ASAH2: variants seen among roughly 807,000 people sequenced by gnomAD.
ASAH2 encodes N-acylsphingosine amidohydrolase 2.
A neutral mutation model predicts 82.9 loss-of-function variants in ASAH2; 58 were observed. That is an observed-to-expected ratio of 0.70 (90% CI 0.57 to 0.87). The LOEUF is 0.87. Ranked by LOEUF, ASAH2 falls within the 40% of genes least tolerant of loss-of-function variation. The pLI is 0.00. For synonymous variants in ASAH2, 276 were observed against 289.7 expected, an observed-to-expected ratio of 0.95 and a Z score of 0.48; for missense variants, 779 against 834.0, an observed-to-expected ratio of 0.93 and a Z score of 0.81.
chr10:50,227,721 G>A (rs986579086), intron 7 of ASAH2, among the ~76,000 whole-genome samples: 8 of 151,984 alleles, frequency 5.3e-5, no homozygotes, highest in Non-Finnish European at 7.4e-5. Context: ...AATATCTCCA[G>A]CCAACTATTT....
intron 4 of ASAH2, among the ~76,000 whole-genome samples, chr10:50,237,808 A>G (rs1846197494): frequency 6.6e-6 from 1 of 152,214 alleles, no homozygotes; most frequent in East Asian, 1.9e-4. Context: ...AAAATGACCC[A>G]GCAGTATGTA....
At chr10:50,198,096 A>G (rs546066362) in intron 17 of ASAH2, among the ~76,000 whole-genome samples, 7 of 152,238 alleles carry the variant, frequency 4.6e-5, no homozygotes, top group African/African-American at 1.7e-4. Context: ...ATACAGGCAT[A>G]TGAAATTTTC....
chr10:50,238,954 C>T (rs1411140780), intron 4 of ASAH2, among the ~76,000 whole-genome samples: 1 of 152,096 alleles, frequency 6.6e-6, no homozygotes, highest in Non-Finnish European at 1.5e-5. Flanking sequence ...TATAACAATG[C>T]CAGGAAGATA....
intron 12 of ASAH2, among the ~76,000 whole-genome samples, chr10:50,207,374 A>G (rs1845327413): frequency 1.3e-5 from 2 of 152,030 alleles, no homozygotes; most frequent in Non-Finnish European, 2.9e-5. Context: ...AGAAAAATCA[A>G]TGAAACCAAA....
Position 50,228,734 on chromosome 10 carries a change from G to C in ASAH2, c.893+4450C>G, listed in dbSNP as rs980581669. Among the ~76,000 whole-genome samples, 36 of 152,000 alleles carry C rather than the reference G, an allele frequency of 2.4e-4. 1 individual carries two copies. Among genetic ancestry groups the C allele is most frequent in the Admixed American group, 3.9e-4 (6 of 15,244 alleles). On this transcript the variant is annotated intron_variant, in intron 7 of 20. Coordinates refer to ENST00000682911, the MANE Select transcript of ASAH2 (RefSeq NM_019893.4). ...TAAAAGGGTTTGCAATACATAAATAGAAGGCAGTGGAGAGGAGAGGAGAAG... is the reference window on the plus strand; with the variant it reads ...TAAAAGGGTTTGCAATACATAAATACAAGGCAGTGGAGAGGAGAGGAGAAG...
chr10:50,235,840 C>A (rs1846146020), intron 5 of ASAH2, 48 bp downstream of exon 5: 3 of 1,588,266 alleles, frequency 1.9e-6, no homozygotes, highest in Admixed American at 1.7e-5. Flanking sequence ...TCCTAAAATA[C>A]CTGTAAGCAA....
Position 50,213,033 on chromosome 10 carries a change from G to C in ASAH2, c.1166C>G (p.Pro389Arg), listed in dbSNP as rs1042680255. The C allele has an allele frequency of 6.2e-7, 1 of 1,613,658 alleles. No individual in the cohort carries two copies. Reference protein sequence around the residue: ...GGPSMCIAKGPGQDMFDSTQI... With the variant: ...GGPSMCIAKGRGQDMFDSTQI... The stretch of plus-strand genomic sequence containing the variant: ...TGTGCTGTCAAACATATCCTGTCCA[G>C]GTCCCTTAGCAATGCACATGCTAGG... Residue 389 changes from proline to arginine, a missense_variant, in exon 10 of 21, where the codon CCT becomes CGT. By Grantham distance (103) the Pro-to-Arg change is moderately radical. Coordinates refer to ENST00000682911, the MANE Select transcript of ASAH2 (RefSeq NM_019893.4).
At position 50,210,849 on chromosome 10, in the gene ASAH2, C is replaced by G. The variant is rs1845435135; in HGVS notation, c.1388G>C (p.Gly463Ala). 104 of 1,613,330 alleles carry G rather than the reference C, an allele frequency of 6.4e-5. No homozygotes were observed. Among genetic ancestry groups the G allele is most frequent in the Non-Finnish European group, 8.1e-5 (96 of 1,179,444 alleles). The change falls in exon 12 of 21, where the codon GGA (glycine) becomes GCA (alanine). Residue 463 changes from glycine to alanine, a missense_variant. Coordinates refer to ENST00000682911, the MANE Select transcript of ASAH2 (RefSeq NM_019893.4). ...CTGTGTAAAATTGAGGCCTCCAACTCCATCAATAGTGCCAGCTGCAAAACT... is the reference window on the plus strand; with the variant it reads ...CTGTGTAAAATTGAGGCCTCCAACTGCATCAATAGTGCCAGCTGCAAAACT... The part of the protein sequence containing the change: ...GYSFAAGTID[G>A]VGGLNFTQGK...
At chr10:50,243,034 A>T (rs557493412) in intron 4 of ASAH2, among the ~76,000 whole-genome samples, 168 bp downstream of exon 4, 1 of 152,336 alleles carries the variant, frequency 6.6e-6, no homozygotes, top group East Asian at 1.9e-4. Context: ...AATAGTGAAG[A>T]TCATTTTCCT....
chr10:50,225,034 A>G (rs1221278927), intron 7 of ASAH2, among the ~76,000 whole-genome samples: 1 of 152,214 alleles, frequency 6.6e-6, no homozygotes, highest in Non-Finnish European at 1.5e-5. Context: ...ACCCCAGAGA[A>G]GTGATGTACG....
intron 9 of ASAH2, 76 bp downstream of exon 9, chr10:50,214,667 A>C: frequency 6.4e-7 from 1 of 1,572,124 alleles, no homozygotes; most frequent in Non-Finnish European, 8.8e-7. Flanking sequence ...GGTATTTGTA[A>C]ATTAATGATA....
At chr10:50,225,043 C>T (rs1214698544) in intron 7 of ASAH2, among the ~76,000 whole-genome samples, 5 of 152,290 alleles carry the variant, frequency 3.3e-5, no homozygotes, top group South Asian at 2.1e-4. Context: ...AAGTGATGTA[C>T]GTTCTCAAGG....
At chr10:50,213,398 T>G (rs1475528373) in intron 9 of ASAH2, among the ~76,000 whole-genome samples, 4 of 152,168 alleles carry the variant, frequency 2.6e-5, no homozygotes, top group Non-Finnish European at 5.9e-5. Context: ...TACTTGCTTG[T>G]TCTTGCCTCT....
In ASAH2 at chr10:50,248,630, AG is replaced by A; in HGVS notation, c.-21del. ...GGCCATTTCTTCTCAGGTACAGCAG[AG>A]ATGGAAGAAGAAATACTGAAGAGGA... On this transcript the variant is annotated 5_prime_UTR_variant, in exon 2 of 21. Coordinates refer to ENST00000682911, the MANE Select transcript of ASAH2 (RefSeq NM_019893.4). 1 of 1,606,356 alleles carries A rather than the reference AG, an allele frequency of 6.2e-7. No individual in the cohort carries two copies. The highest frequency in any genetic ancestry group is 8.5e-7 in the Non-Finnish European group (1 of 1,176,790).
In ASAH2 at chr10:50,214,739, C is replaced by T. The variant is rs1382647678; in HGVS notation, c.1140+4G>A. 2 of 1,613,420 alleles carry T rather than the reference C, an allele frequency of 1.2e-6. No individual in the cohort carries two copies. The highest frequency in any genetic ancestry group is 2.7e-5 in the African/African-American group (2 of 74,878). On this transcript the variant is annotated splice_donor_region_variant and intron_variant, in intron 9 of 20. Transcript: ENST00000682911. ...CAAAGATTTCATGTGTCATAATTACCTACCCCACCAATGGGACAAGTGCTA... is the reference window on the plus strand; with the variant it reads ...CAAAGATTTCATGTGTCATAATTACTTACCCCACCAATGGGACAAGTGCTA...
In ASAH2 at chr10:50,211,018, A is replaced by G; in HGVS notation, c.1332+12T>C. On this transcript the variant is annotated intron_variant, in intron 11 of 20. Transcript: ENST00000682911. Reference sequence around the variant, plus strand: ...CCTTGGGGCATAACCAGTGTGTCTCAGCAGCACTTACTGCATGTGTGGAAT... The same window carrying G: ...CCTTGGGGCATAACCAGTGTGTCTCGGCAGCACTTACTGCATGTGTGGAAT... The G allele has an allele frequency of 6.2e-7, 1 of 1,610,760 alleles. No individual in the cohort carries two copies. Among genetic ancestry groups the G allele is most frequent in the Non-Finnish European group, 8.5e-7 (1 of 1,176,984 alleles).
Position 50,233,203 on chromosome 10 carries a change from C to T in ASAH2, c.874G>A (p.Asp292Asn). 3 of 1,611,252 alleles carry T rather than the reference C, an allele frequency of 1.9e-6. No individual in the cohort carries two copies. Among genetic ancestry groups the T allele is most frequent in the Admixed American group, 1.7e-5 (1 of 59,916 alleles). The change falls in exon 7 of 21, where the codon GAT becomes AAT. Residue 292 changes from aspartate to asparagine, a missense_variant. Physicochemically the swap from Asp to Asn is conservative, Grantham distance 23. Around this residue, in one of 3 missense-constraint regions of ASAH2, gnomAD observed 759 missense variants for 755.2 expected, o/e 1.00. Coordinates refer to ENST00000682911, the MANE Select transcript of ASAH2 (RefSeq NM_019893.4). ...CAGTACCTGATAAGGCCCAAGTCAT[C>T]TCCATTCAAATCTACCATTTTCAAA... Reference protein sequence around the residue: ...IVLKMVDLNGDDLGLISWFAI... With the variant: ...IVLKMVDLNGNDLGLISWFAI...
chr10:50,205,157 T>G (rs1845262194), intron 13 of ASAH2, among the ~76,000 whole-genome samples: 1 of 152,084 alleles, frequency 6.6e-6, no homozygotes, highest in South Asian at 2.1e-4. Flanking sequence ...ATGAAGTTTT[T>G]GGTGGATCTG....
chr10:50,245,052 T>A (rs1401163648), intron 3 of ASAH2, among the ~76,000 whole-genome samples, 170 bp downstream of exon 3: 1 of 152,002 alleles, frequency 6.6e-6, no homozygotes, highest in Non-Finnish European at 1.5e-5. Flanking sequence ...TGAATAAAAG[T>A]TTTCCTCTTC....
Sources: allele counts gnomAD v4.1 joint callset (sites outside exome capture counted in the v4.1 genomes callset), GRCh38; gene constraint gnomAD v4.1.1; regional missense constraint gnomAD v4.1.1; transcripts MANE v1.5; gene names NCBI Gene and HGNC (gene_info 2026-07-23, HGNC 2026-07-21).